The following MAGI2 variants were observed in gnomAD, a reference collection of about 807,000 sequenced individuals.
The protein encoded by MAGI2 is membrane associated guanylate kinase, WW and PDZ domain containing 2.
In MAGI2, 35 loss-of-function variants were observed where a neutral mutation model predicts 133.3. The ratio of observed to expected loss-of-function variants is 0.26; its 90% confidence interval spans 0.20 to 0.35. The LOEUF (loss-of-function observed/expected upper bound fraction) is 0.35, where lower values mean the gene tolerates loss of function less well. MAGI2 is among the 10% of genes least tolerant of loss of function. MAGI2 has a pLI of 1.00. For missense variants in MAGI2, 1,636 were observed against 1,863.4 expected (o/e 0.88, Z 2.25); for synonymous variants, 729 against 710.6 (o/e 1.03, Z -0.41).
chr7:78,973,874 T>G (rs1414189792), intron 2 of MAGI2, among the ~76,000 whole-genome samples: 1 of 151,850 alleles, frequency 6.6e-6, no homozygotes, highest in Non-Finnish European at 1.5e-5. Flanking sequence ...GGATCAGCTC[T>G]TCTCCTGTCT....
At chr7:78,605,509 G>GTACT (rs1490770935) in intron 3 of MAGI2, among the ~76,000 whole-genome samples, 1 of 152,166 alleles carries the variant, frequency 6.6e-6, no homozygotes, top group Admixed American at 6.5e-5. Context: ...GATTCACTGA[G>GTACT]TACTTATTAT....
At chr7:78,401,477 C>G (rs1796862264) in intron 6 of MAGI2, among the ~76,000 whole-genome samples, 1 of 151,844 alleles carries the variant, frequency 6.6e-6, no homozygotes, top group Non-Finnish European at 1.5e-5. Flanking sequence ...CCCCCTCTCT[C>G]TCTCATTTTG....
intron 3 of MAGI2, among the ~76,000 whole-genome samples, chr7:78,525,319 G>A (rs549156511): frequency 2.0e-4 from 30 of 152,150 alleles, no homozygotes; most frequent in African/African-American, 6.3e-4. Flanking sequence ...CTAAGCCAAC[G>A]TTTTTATCTC....
chr7:78,680,325 T>G lies in MAGI2; in HGVS notation c.419-53086A>C, dbSNP rs528178117. On this transcript the variant is annotated intron_variant, in intron 2 of 21. Coordinates refer to ENST00000354212, the MANE Select transcript of MAGI2 (RefSeq NM_012301.4). The stretch of plus-strand genomic sequence containing the variant: ...AAGCATGTATTGAAATGGAGTATAA[T>G]GAGTTATCATTATATTATTTCCCAC... Among the ~76,000 whole-genome samples the G allele has an allele frequency of 6.6e-5, 10 of 152,306 alleles. No homozygotes were observed. In the East Asian group the frequency reaches 1.7e-3, roughly 26 times the overall value.
chr7:78,807,597 A>G (rs949402483), intron 2 of MAGI2, among the ~76,000 whole-genome samples: 2 of 152,150 alleles, frequency 1.3e-5, no homozygotes, highest in Non-Finnish European at 2.9e-5. Context: ...TACCTGCACT[A>G]TTCTGGGAGT....
intron 2 of MAGI2, among the ~76,000 whole-genome samples, chr7:78,858,487 T>G (rs1414446721): frequency 6.6e-6 from 1 of 152,252 alleles, no homozygotes; most frequent in African/African-American, 2.4e-5. Flanking sequence ...ACATCTTTAT[T>G]TCTGCCTTCC....
intron 1 of MAGI2, among the ~76,000 whole-genome samples, chr7:79,148,703 G>T (rs926317800): frequency 6.6e-6 from 1 of 151,862 alleles, no homozygotes; most frequent in Admixed American, 6.6e-5. Context: ...GGAAAAAAGA[G>T]GGTGTGTGAA....
intron 9 of MAGI2, among the ~76,000 whole-genome samples, chr7:78,302,456 T>C (rs62463899): frequency 0.012 from 1,877 of 152,328 alleles, 19 homozygotes; most frequent in Non-Finnish European, 0.02. Flanking sequence ...ATACTTTATA[T>C]AGAACAGGTC....
chr7:79,157,803 A>G (rs1823931453), intron 1 of MAGI2, among the ~76,000 whole-genome samples: 1 of 146,658 alleles, frequency 6.8e-6, no homozygotes, highest in South Asian at 2.1e-4. Context: ...CTTCAAATCT[A>G]CTGTTGCTTT....
At chr7:78,478,282 C>G (rs566967720) in intron 6 of MAGI2, among the ~76,000 whole-genome samples, 3 of 152,002 alleles carry the variant, frequency 2.0e-5, no homozygotes, top group African/African-American at 7.2e-5. Flanking sequence ...ATGAACTCAT[C>G]TAAAGGAAAA....
intron 1 of MAGI2, among the ~76,000 whole-genome samples, chr7:79,400,637 C>G (rs1237998755): frequency 6.6e-6 from 1 of 152,144 alleles, no homozygotes; most frequent in African/African-American, 2.4e-5. Context: ...TCATGATATA[C>G]ATTGTAACTC....
chr7:78,119,967 C>A (rs1003162723), intron 20 of MAGI2, among the ~76,000 whole-genome samples: 1 of 152,122 alleles, frequency 6.6e-6, no homozygotes, highest in Non-Finnish European at 1.5e-5. Flanking sequence ...AGCTATAAAA[C>A]TTTAAGCACT....
chr7:79,342,220 G>A (rs534697591), intron 1 of MAGI2, among the ~76,000 whole-genome samples: 10 of 152,296 alleles, frequency 6.6e-5, no homozygotes, highest in East Asian at 5.8e-4. Context: ...AATTCTTCCC[G>A]TTAAACCTTG....
intron 3 of MAGI2, among the ~76,000 whole-genome samples, chr7:78,547,992 C>A (rs1047155013): frequency 6.6e-6 from 1 of 152,194 alleles, no homozygotes; most frequent in Non-Finnish European, 1.5e-5. Context: ...GAATTGGATT[C>A]TCTCAGAATG....
intron 1 of MAGI2, among the ~76,000 whole-genome samples, chr7:79,142,856 A>G (rs550927970): frequency 6.6e-6 from 1 of 152,276 alleles, no homozygotes; most frequent in South Asian, 2.1e-4. Flanking sequence ...GAGAAGCTGG[A>G]AAGTTTCCAT....
chr7:78,806,807 G>A (rs1233673912), intron 2 of MAGI2, among the ~76,000 whole-genome samples: 1 of 151,304 alleles, frequency 6.6e-6, no homozygotes, highest in Admixed American at 6.6e-5. Context: ...GTTTGAAGCT[G>A]CAGTGAGCCA....
intron 2 of MAGI2, among the ~76,000 whole-genome samples, chr7:78,955,869 T>G (rs906208061): frequency 6.6e-6 from 1 of 151,886 alleles, no homozygotes; most frequent in African/African-American, 2.4e-5. Context: ...TAAATTGTCT[T>G]TGCTCAACTC....
chr7:78,481,344 A>G (rs79764515), intron 6 of MAGI2, among the ~76,000 whole-genome samples: 9,800 of 151,910 alleles, frequency 0.065, 772 homozygotes, highest in African/African-American at 0.19. Flanking sequence ...AAAAACTACC[A>G]TTTATAAAAC....
Position 78,346,001 on chromosome 7 carries a change from T to C in MAGI2, c.1146A>G (p.Glu382=). 1 of 1,614,234 alleles carries C rather than the reference T, an allele frequency of 6.2e-7. No homozygotes were observed. Among genetic ancestry groups the C allele is most frequent in the Non-Finnish European group, 8.5e-7 (1 of 1,180,030 alleles). Reference sequence around the variant, plus strand: ...TATGTTGCTGTAGCTTCCTTTTTGCTTCCAGGACAGGATTTTCAAACTGTG... The same window carrying C: ...TATGTTGCTGTAGCTTCCTTTTTGCCTCCAGGACAGGATTTTCAAACTGTG... ...RRTQFENPVL[E]AKRKLQQHNM... is the part of the protein sequence containing the mutation. Residue 382 remains glutamate, a synonymous_variant, in exon 8 of 22, where the codon GAA becomes GAG. Transcript: ENST00000354212.
Sources: allele counts gnomAD v4.1 joint callset (sites outside exome capture counted in the v4.1 genomes callset), GRCh38; gene constraint gnomAD v4.1.1; transcripts MANE v1.5; gene names NCBI Gene and HGNC (gene_info 2026-07-23, HGNC 2026-07-21).